MTMR7: variants seen among roughly 807,000 people sequenced by gnomAD.
MTMR7 encodes phosphatidylinositol-3-phosphate phosphatase MTMR7.
In MTMR7, 76 loss-of-function variants were observed where a neutral mutation model predicts 81.2. The ratio of observed to expected loss-of-function variants is 0.94; its 90% CI spans 0.78 to 1.13. The LOEUF (loss-of-function observed/expected upper bound fraction) is 1.13, where lower values mean the gene tolerates loss of function less well. Among genes scored for constraint, MTMR7 ranks in the 50% most tolerant of loss-of-function variants. The pLI is 0.00. For missense variants in MTMR7, 1,044 were observed against 820.0 expected (o/e 1.27, Z -3.34); for synonymous variants, 372 against 289.8 (o/e 1.28, Z -2.88).
At chr8:17,365,878 G>C (rs1820209729) in intron 3 of MTMR7, among the ~76,000 whole-genome samples, 1 of 152,182 alleles carries the variant, frequency 6.6e-6, no homozygotes, top group African/African-American at 2.4e-5. Context: ...ATGAGTAACA[G>C]TTTGGCTGTT....
intron 5 of MTMR7, among the ~76,000 whole-genome samples, chr8:17,348,263 C>A (rs541653082): frequency 1.3e-5 from 2 of 152,090 alleles, no homozygotes. Context: ...TAAGGCCGGG[C>A]ACAGTGGCTC....
chr8:17,309,459 C>G, intron 9 of MTMR7, 133 bp from the exon 10 acceptor site: 1 of 682,974 alleles, frequency 1.5e-6, no homozygotes, highest in Non-Finnish European at 2.6e-6. Flanking sequence ...AATGCATGAA[C>G]AGGCATTATC....
chr8:17,378,516 A>G (rs1820659614), intron 1 of MTMR7, among the ~76,000 whole-genome samples: 1 of 152,342 alleles, frequency 6.6e-6, no homozygotes, highest in Non-Finnish European at 1.5e-5. Flanking sequence ...TGTACATACT[A>G]CAAAGTAATA....
intron 1 of MTMR7, among the ~76,000 whole-genome samples, chr8:17,392,196 G>A (rs1457535766): frequency 6.6e-6 from 1 of 152,122 alleles, no homozygotes; most frequent in African/African-American, 2.4e-5. Flanking sequence ...ATAAGGATGA[G>A]AAAATATATG....
intron 7 of MTMR7, among the ~76,000 whole-genome samples, chr8:17,321,848 T>C (rs978100080): frequency 1.3e-5 from 2 of 152,156 alleles, no homozygotes; most frequent in East Asian, 3.8e-4. Flanking sequence ...CAAACATATA[T>C]AAACTACAGT....
intron 5 of MTMR7, among the ~76,000 whole-genome samples, chr8:17,348,248 G>A (rs150632836): frequency 0.01 from 1,584 of 152,102 alleles, 34 homozygotes; most frequent in African/African-American, 0.036. Context: ...TTTAAAAACA[G>A]GTAATAAGGC....
chr8:17,350,126 C>T (rs533970760), intron 4 of MTMR7, among the ~76,000 whole-genome samples: 20 of 152,298 alleles, frequency 1.3e-4, no homozygotes, highest in African/African-American at 2.2e-4. Context: ...TCAGTCTTTT[C>T]GCAATGTGAA....
Position 17,311,509 on chromosome 8 carries a change from A to G in MTMR7, c.1101+2T>C, listed in dbSNP as rs1352159075. On this transcript the variant is annotated splice_donor_variant, in intron 9 of 13. Transcript: ENST00000180173. LOFTEE classifies it high-confidence loss of function. ...TGGGAATCGCCCAGTGGCCACACTCACCATGAAGCCCTTCAGAGTCCGGTA... is the reference window on the plus strand; with the variant it reads ...TGGGAATCGCCCAGTGGCCACACTCGCCATGAAGCCCTTCAGAGTCCGGTA... 6.2e-7 allele frequency: 1 copy of G among 1,614,130 alleles called. No homozygotes were observed. Among genetic ancestry groups the G allele is most frequent in the Non-Finnish European group, 8.5e-7 (1 of 1,180,016 alleles).
In MTMR7 at chr8:17,297,781, AAGTAC is replaced by A. The variant is rs1434157048; in HGVS notation, c.*2076_*2080del. The A allele has an allele frequency of 1.3e-5, 2 of 152,004 alleles. No individual in the cohort carries two copies. Among genetic ancestry groups the A allele is most frequent in the Non-Finnish European group, 2.9e-5 (2 of 67,892 alleles). The allele number at this position is 152,004 out of a possible 1,614,324, so 9.4% of individuals were successfully genotyped here. A position where few individuals can be genotyped will look rare whatever the true frequency, so the allele number is the denominator to read the frequency against. ...TAGCCATGCTCTGAAGAATCTGTGA[AAGTAC>A]AGTAAAGTTTTAATAAGCAATAAAT... On this transcript the variant is annotated 3_prime_UTR_variant, in exon 14 of 14. Coordinates refer to ENST00000180173, the MANE Select transcript of MTMR7 (RefSeq NM_004686.5).
At chr8:17,379,655 T>C (rs73666130) in intron 1 of MTMR7, among the ~76,000 whole-genome samples, 4,319 of 152,266 alleles carry the variant, frequency 0.028, 205 homozygotes, top group African/African-American at 0.098. Context: ...ATTTACTTAA[T>C]GTTTAAAGAT....
chr8:17,394,800 T>C lies in MTMR7; in HGVS notation c.24+18469A>G, dbSNP rs528976293. 5.8e-4 allele frequency among the ~76,000 whole-genome samples: 87 copies of C among 150,360 alleles called. 1 individual carries two copies. Among genetic ancestry groups the C allele is most frequent in the Admixed American group, 3.2e-3 (47 of 14,624 alleles). On this transcript the variant is annotated intron_variant, in intron 1 of 13. Transcript: ENST00000180173. Reference sequence around the variant, plus strand: ...AGACCCACAATGCCACCCACTGTCATGCTAATAGTTGATATACATTTGCCA... The same window carrying C: ...AGACCCACAATGCCACCCACTGTCACGCTAATAGTTGATATACATTTGCCA...
intron 7 of MTMR7, among the ~76,000 whole-genome samples, chr8:17,323,635 G>A (rs1818521898): frequency 6.6e-6 from 1 of 152,098 alleles, no homozygotes; most frequent in East Asian, 1.9e-4. Flanking sequence ...AGCACTTGCA[G>A]CAGAGGCCGC....
intron 9 of MTMR7, among the ~76,000 whole-genome samples, chr8:17,309,768 G>T (rs1295307212): frequency 6.6e-6 from 1 of 152,184 alleles, no homozygotes; most frequent in African/African-American, 2.4e-5. Flanking sequence ...ACCAATGTGT[G>T]ATGCTGCCTC....
At chr8:17,399,437 T>C (rs1459982646) in intron 1 of MTMR7, among the ~76,000 whole-genome samples, 1 of 152,144 alleles carries the variant, frequency 6.6e-6, no homozygotes, top group East Asian at 1.9e-4. Flanking sequence ...GTAAAAGATC[T>C]ATAAAAGGCA....
chr8:17,363,358 G>C (rs1302767877), intron 3 of MTMR7, among the ~76,000 whole-genome samples: 3 of 152,100 alleles, frequency 2.0e-5, no homozygotes, highest in Admixed American at 6.6e-5. Flanking sequence ...CTGAATATGG[G>C]GTAATAATGG....
At chr8:17,375,015 G>C (rs1585103329) in intron 1 of MTMR7, among the ~76,000 whole-genome samples, 1 of 151,966 alleles carries the variant, frequency 6.6e-6, no homozygotes, top group Non-Finnish European at 1.5e-5. Flanking sequence ...CTTACAACTG[G>C]AAGGCAGAGG....
intron 7 of MTMR7, among the ~76,000 whole-genome samples, chr8:17,316,023 T>G (rs913911148): frequency 6.6e-6 from 1 of 152,122 alleles, no homozygotes; most frequent in African/African-American, 2.4e-5. Flanking sequence ...CTCTAAAAAA[T>G]AAAGTTACAA....
At chr8:17,365,030 C>T (rs973841948) in intron 3 of MTMR7, among the ~76,000 whole-genome samples, 16 of 152,304 alleles carry the variant, frequency 1.1e-4, no homozygotes, top group East Asian at 3.9e-4. Context: ...ACATTCCCAC[C>T]AACAGTGCAT....
intron 3 of MTMR7, among the ~76,000 whole-genome samples, chr8:17,363,115 G>A (rs761465059): frequency 2.6e-5 from 4 of 152,212 alleles, no homozygotes; most frequent in African/African-American, 4.8e-5. Flanking sequence ...GAGCAGACGC[G>A]TTCCGTAAAA....
Sources: gnomAD v4.1 joint callset for allele counts (sites outside exome capture counted in the v4.1 genomes callset) on GRCh38, gnomAD v4.1.1 for gene constraint, MANE v1.5 for transcripts, NCBI Gene and HGNC (gene_info 2026-07-23, HGNC 2026-07-21) for gene names.